The following MACROH2A2 variants were observed in gnomAD, a reference collection of about 807,000 sequenced individuals.
MACROH2A2 encodes the protein core histone macro-H2A.2.
In MACROH2A2, 6 loss-of-function variants were observed where a neutral mutation model predicts 37.6. The observed-to-expected ratio is 0.16, with a 90% CI of 0.09 to 0.32. MACROH2A2 has a LOEUF of 0.32. Among genes scored for constraint, MACROH2A2 ranks in the 10% least tolerant of loss-of-function variants. The probability of loss-of-function intolerance (pLI) is 1.00; values close to 1 mark genes in which losing one functional copy is unlikely to be tolerated. For synonymous variants in MACROH2A2, 192 were observed against 202.7 expected, an observed-to-expected ratio of 0.95 and a Z score of 0.45; for missense variants, 290 against 485.9, an observed-to-expected ratio of 0.60 and a Z score of 3.79.
intron 2 of MACROH2A2, among the ~76,000 whole-genome samples, chr10:70,088,528 C>T (rs747230340): frequency 3.9e-5 from 6 of 152,092 alleles, no homozygotes; most frequent in Non-Finnish European, 8.8e-5. Context: ...CTTTTTTTAC[C>T]CCAAGGTTTT....
intron 1 of MACROH2A2, among the ~76,000 whole-genome samples, chr10:70,066,138 A>C (rs1302372690): frequency 6.6e-6 from 1 of 152,138 alleles, no homozygotes; most frequent in Non-Finnish European, 1.5e-5. Context: ...CAGGAGTTCA[A>C]GACCAGCCTG....
At chr10:70,071,648 G>A (rs1169333980) in intron 1 of MACROH2A2, among the ~76,000 whole-genome samples, 2 of 152,152 alleles carry the variant, frequency 1.3e-5, no homozygotes, top group African/African-American at 4.8e-5. Context: ...AAACCTAGAT[G>A]GTACAGCCTC....
At chr10:70,086,480 T>C (rs2072212471) in intron 2 of MACROH2A2, among the ~76,000 whole-genome samples, 1 of 152,204 alleles carries the variant, frequency 6.6e-6, no homozygotes, top group Admixed American at 6.5e-5. Context: ...ATGCTACGTT[T>C]GATTCCGGCA....
intron 5 of MACROH2A2, among the ~76,000 whole-genome samples, chr10:70,094,719 A>G (rs116015600): frequency 4.8e-4 from 73 of 152,350 alleles, no homozygotes; most frequent in African/African-American, 1.7e-3. Flanking sequence ...CTAAGGCAAC[A>G]TAAAGGTCTT....
At chr10:70,067,798 CAG>C (rs1242262161) in intron 1 of MACROH2A2, among the ~76,000 whole-genome samples, 1 of 152,034 alleles carries the variant, frequency 6.6e-6, no homozygotes, top group Non-Finnish European at 1.5e-5. Flanking sequence ...AAGTCAGAAA[CAG>C]AGATTGGAGT....
chr10:70,093,052 A>C (rs941120702), intron 4 of MACROH2A2, among the ~76,000 whole-genome samples: 1 of 151,416 alleles, frequency 6.6e-6, no homozygotes, highest in African/African-American at 2.4e-5. Context: ...CCCAGGCTGG[A>C]GTACAGTAAT....
At chr10:70,103,322 AG>A (rs1463452883) in intron 7 of MACROH2A2, among the ~76,000 whole-genome samples, 1 of 152,162 alleles carries the variant, frequency 6.6e-6, no homozygotes, top group African/African-American at 2.4e-5. Context: ...TGCAAAGGAG[AG>A]GAAAAATAGC....
Position 70,065,032 on chromosome 10 carries a change from T to C in MACROH2A2, c.-59-10568T>C, listed in dbSNP as rs1464005926. Among the ~76,000 whole-genome samples the C allele has an allele frequency of 1.3e-4, 20 of 151,118 alleles. No homozygotes were observed. The South Asian group carries it at 3.3e-3, about 25-fold the overall frequency. On this transcript the variant is annotated intron_variant, in intron 1 of 8. Coordinates refer to ENST00000373255, the MANE Select transcript of MACROH2A2 (RefSeq NM_018649.3). ...ATCTTGTCCTTCATTCTTTTTTTTT[T>C]TCTTTTTTTTTTTTGAGACAGAGTC... is the stretch of plus-strand genomic sequence containing the variant.
At chr10:70,091,628 C>T (rs1028459798) in intron 3 of MACROH2A2, 129 bp from the exon 4 acceptor site, 11 of 632,262 alleles carry the variant, frequency 1.7e-5, no homozygotes, top group South Asian at 4.1e-5. Flanking sequence ...GAGCCAAGAT[C>T]GCGCCACTGC....
chr10:70,090,895 G>A (rs544818375), intron 3 of MACROH2A2, among the ~76,000 whole-genome samples: 27 of 152,350 alleles, frequency 1.8e-4, no homozygotes, highest in African/African-American at 6.3e-4. Flanking sequence ...CCAGTTCATG[G>A]GTGAGCCATG....
In MACROH2A2 at chr10:70,075,503, C is replaced by T; in HGVS notation, c.-59-97C>T. On this transcript the variant is annotated intron_variant, in intron 1 of 8. Transcript: ENST00000373255. The surrounding 1 kb of genome is among the most constrained non-coding windows in gnomAD (Gnocchi z 5.0). ...CCAGATTTCAGCTGCCTCCCCAGGG[C>T]AGTCAGAGGTGTCACAGTGGTGCCC... The T allele has an allele frequency of 1.5e-6, 1 of 679,218 alleles. No homozygotes were observed. The highest frequency in any genetic ancestry group is 2.5e-6 in the Non-Finnish European group (1 of 392,720). 42.1% of individuals were successfully genotyped at this position (679,218 alleles called of 1,614,324 possible).
intron 1 of MACROH2A2, among the ~76,000 whole-genome samples, chr10:70,064,898 AT>A (rs1178748659): frequency 2.6e-5 from 4 of 152,192 alleles, no homozygotes; most frequent in Non-Finnish European, 4.4e-5. Context: ...ATGCCTGCTA[AT>A]TGAATGCATG....
At chr10:70,089,924 C>T (rs2136634433) in intron 2 of MACROH2A2, 136 bp from the exon 3 acceptor site, 1 of 705,482 alleles carries the variant, frequency 1.4e-6, no homozygotes, top group Non-Finnish European at 2.6e-6. Flanking sequence ...CTTACGCTTC[C>T]TGGATTTCTT....
intron 3 of MACROH2A2, 118 bp from the exon 4 acceptor site, chr10:70,091,639 A>G (rs2072245131): frequency 4.3e-6 from 3 of 701,742 alleles, no homozygotes; most frequent in South Asian, 3.8e-5. Context: ...GCGCCACTGC[A>G]CTCCAGCCTG....
At chr10:70,084,473 A>AGGTTAAAACTGCGAG (rs2072199074) in intron 2 of MACROH2A2, among the ~76,000 whole-genome samples, 2 of 152,004 alleles carry the variant, frequency 1.3e-5, no homozygotes, top group East Asian at 1.9e-4. Context: ...AATCACTTGA[A>AGGTTAAAACTGCGAG]CCCAGGTTAA....
At chr10:70,110,184 G>T (rs1245456655) in intron 8 of MACROH2A2, among the ~76,000 whole-genome samples, 1 of 152,060 alleles carries the variant, frequency 6.6e-6, no homozygotes, top group East Asian at 1.9e-4. Context: ...CTATTAACAG[G>T]CCCCTCCTGG....
At chr10:70,111,384 T>G in intron 8 of MACROH2A2, 134 bp from the exon 9 acceptor site, 1 of 663,954 alleles carries the variant, frequency 1.5e-6, no homozygotes, top group Non-Finnish European at 2.4e-6. Flanking sequence ...TCCCTTTGGC[T>G]AGGGTCAAAG....
At chr10:70,066,597 A>G (rs1160681587) in intron 1 of MACROH2A2, among the ~76,000 whole-genome samples, 1 of 152,136 alleles carries the variant, frequency 6.6e-6, no homozygotes, top group Non-Finnish European at 1.5e-5. Flanking sequence ...ACAAAGAACA[A>G]TGTGATTGAG....
intron 2 of MACROH2A2, among the ~76,000 whole-genome samples, chr10:70,078,045 A>C (rs933620462): frequency 5.3e-5 from 8 of 152,350 alleles, no homozygotes; most frequent in Middle Eastern, 3.4e-3. Flanking sequence ...GATGAAAATA[A>C]CTAAGTACTT....
Sources: allele counts gnomAD v4.1 joint callset (sites outside exome capture counted in the v4.1 genomes callset), GRCh38; gene constraint gnomAD v4.1.1; non-coding constraint Gnocchi (gnomAD v3.1); transcripts MANE v1.5; gene names NCBI Gene and HGNC (gene_info 2026-07-23, HGNC 2026-07-21).